Variants in PTGER3 observed in about 807,000 individuals in gnomAD.
The protein encoded by PTGER3 is prostaglandin E receptor 3, also known as prostaglandin E2 receptor EP3 subtype.
In PTGER3, 22 loss-of-function variants were observed where a neutral mutation model predicts 34.7. The observed-to-expected ratio is 0.63, with a 90% CI of 0.45 to 0.91. PTGER3 has a LOEUF of 0.91. Among genes scored for constraint, PTGER3 ranks in the 40% least tolerant of loss-of-function variants. The pLI, the probability that PTGER3 is intolerant of heterozygous loss-of-function variation, is 0.00. For synonymous variants in PTGER3, 241 were observed against 230.1 expected, an observed-to-expected ratio of 1.05 and a Z score of -0.43; for missense variants, 468 against 519.4, an observed-to-expected ratio of 0.90 and a Z score of 0.96.
In PTGER3 at chr1:70,941,878, C is replaced by G. The variant is rs528435921; in HGVS notation, c.*23+11885G>C. On this transcript the variant is annotated intron_variant, in intron 4 of 4. Transcript: ENST00000370931. ...CACAAATTCTTTCTTTATAATGCTA[C>G]TAGCATTACATTTTAAAATTAAAAT... 2.0e-5 allele frequency among the ~76,000 whole-genome samples: 3 copies of G among 152,258 alleles called. No individual in the cohort carries two copies. The East Asian group carries it at 5.8e-4, about 29-fold the overall frequency.
At chr1:70,882,946 C>T (rs1168948984) in intron 4 of PTGER3, among the ~76,000 whole-genome samples, 1 of 152,202 alleles carries the variant, frequency 6.6e-6, no homozygotes, top group Admixed American at 6.5e-5. Context: ...GAGAGCAGCA[C>T]ACGTGAGCTG....
At chr1:70,937,751 T>A (rs185786681) in intron 4 of PTGER3, among the ~76,000 whole-genome samples, 13 of 152,334 alleles carry the variant, frequency 8.5e-5, no homozygotes, top group Middle Eastern at 3.4e-3. Context: ...ACCATTTATT[T>A]AATGGTTAAT....
At chr1:70,910,217 T>C (rs1006162719) in intron 4 of PTGER3, among the ~76,000 whole-genome samples, 6 of 152,100 alleles carry the variant, frequency 3.9e-5, no homozygotes, top group African/African-American at 7.2e-5. Context: ...AACCCCACAC[T>C]CAAAATGATC....
In PTGER3 at chr1:71,046,930, GC is replaced by G. The variant is rs1557777146; in HGVS notation, c.647del (p.Gly216AlafsTer27). 6.2e-7 allele frequency: 1 copy of G among 1,607,106 alleles called. No homozygotes were observed. Among genetic ancestry groups the G allele is most frequent in the Non-Finnish European group, 8.5e-7 (1 of 1,177,148 alleles). On this transcript the variant is annotated frameshift_variant, in exon 1 of 4. Transcript: ENST00000306666. LOFTEE classifies it high-confidence loss of function. ...TWCFISTGRGGNGTSSSHNWG... is the reference protein window; with the variant it reads ...TWCFISTGRGXNGTSSSHNWG... ...AGTTATGCGAAGAGCTAGTCCCGTT[GC>G]CCCCTCGCCCGGTGCTGATGAAGCA...
intron 4 of PTGER3, among the ~76,000 whole-genome samples, chr1:70,899,269 C>T (rs1646785957): frequency 6.6e-6 from 1 of 152,076 alleles, no homozygotes; most frequent in African/African-American, 2.4e-5. Context: ...GAGACAATTA[C>T]ACATACAGTT....
At chr1:70,974,274 T>A in intron 3 of PTGER3, 23 bp downstream of exon 3, 1 of 1,612,368 alleles carries the variant, frequency 6.2e-7, no homozygotes, top group Non-Finnish European at 8.5e-7. Flanking sequence ...ATGCTATAAA[T>A]CCCGGCAGTT....
rs539920705 is a variant in PTGER3 at position 70,994,435 on chromosome 1, T to C, written c.1077+17870A>G. Among the ~76,000 whole-genome samples the C allele has an allele frequency of 4.0e-4, 61 of 151,138 alleles. No homozygotes were observed. In the South Asian group the frequency reaches 0.01, roughly 25 times the overall value. On this transcript the variant is annotated intron_variant, in intron 2 of 3. Coordinates refer to ENST00000306666, the MANE Select transcript of PTGER3 (RefSeq NM_198719.2). ...AAACATGTAGTGTATGCTGTATCTA[T>C]CAATGTGGTAAGTCTGTAAACCTTA...
At chr1:71,022,010 T>A (rs926349702) in intron 1 of PTGER3, among the ~76,000 whole-genome samples, 7 of 151,916 alleles carry the variant, frequency 4.6e-5, no homozygotes, top group Non-Finnish European at 5.9e-5. Flanking sequence ...ATCCAAATTT[T>A]AAAAAATAAC....
chr1:70,931,019 G>A (rs847705), intron 4 of PTGER3, among the ~76,000 whole-genome samples: 134,795 of 152,216 alleles, frequency 0.89, 59,690 homozygotes, highest in Middle Eastern at 0.95. Context: ...TAAAATCAAA[G>A]GCAAGCTAGT....
At chr1:70,970,649 T>C, downstream of PTGER3, 1 of 168,066 alleles carries the variant, frequency 6.0e-6, no homozygotes, top group Non-Finnish European at 1.2e-5. Flanking sequence ...AGTAAATATG[T>C]GGTGAATTAA....
At chr1:71,013,845 CAA>C (rs1239418770) in intron 1 of PTGER3, among the ~76,000 whole-genome samples, 1 of 151,850 alleles carries the variant, frequency 6.6e-6, no homozygotes, top group Non-Finnish European at 1.5e-5. Flanking sequence ...TTCATAATAG[CAA>C]AAAAAGCAGG....
chr1:70,968,365 G>A (rs1652755321), downstream of PTGER3, among the ~76,000 whole-genome samples: 2 of 152,144 alleles, frequency 1.3e-5, no homozygotes, highest in African/African-American at 2.4e-5. Context: ...AAATAAAACT[G>A]TAGATCAAAC....
chr1:70,906,753 A>C (rs887912884), intron 4 of PTGER3, among the ~76,000 whole-genome samples: 14 of 152,186 alleles, frequency 9.2e-5, no homozygotes, highest in Admixed American at 3.3e-4. Context: ...AAGCCATTGG[A>C]AAGACAAAAG....
At chr1:71,039,946 C>G (rs1660158660) in intron 1 of PTGER3, among the ~76,000 whole-genome samples, 3 of 151,932 alleles carry the variant, frequency 2.0e-5, no homozygotes, top group Admixed American at 1.3e-4. Flanking sequence ...TTTCATAGTA[C>G]TGTATACTAC....
intron 2 of PTGER3, among the ~76,000 whole-genome samples, chr1:70,990,644 C>T (rs1655387332): frequency 1.3e-5 from 2 of 151,882 alleles, no homozygotes; most frequent in South Asian, 4.1e-4. Flanking sequence ...CTACACCTGG[C>T]TAATTTTTAT....
chr1:71,009,943 T>G, intron 2 of PTGER3: 1 of 985,252 alleles, frequency 1.0e-6, no homozygotes, highest in Non-Finnish European at 1.2e-6. Flanking sequence ...GGGATTTTCA[T>G]TTCTTATCAG....
At position 70,971,749 on chromosome 1, in the gene PTGER3, G is replaced by T; in HGVS notation, c.1170-16C>A. 1.3e-6 allele frequency: 2 copies of T among 1,512,932 alleles called. No individual in the cohort carries two copies. The highest frequency in any genetic ancestry group is 1.8e-6 in the Non-Finnish European group (2 of 1,112,132). The allele number at this position is 1,512,932 out of a possible 1,614,324, so 93.7% of individuals were successfully genotyped here. A position where few individuals can be genotyped will look rare whatever the true frequency, so the allele number is the denominator to read the frequency against. On this transcript the variant is annotated splice_polypyrimidine_tract_variant and intron_variant, in intron 3 of 3. Coordinates refer to ENST00000306666, the MANE Select transcript of PTGER3 (RefSeq NM_198719.2). ...CTTTCATTATCTGTTAGAATAGAGAGAGAAAGATGCAATAAGCATGGATGG... is the reference window on the plus strand; with the variant it reads ...CTTTCATTATCTGTTAGAATAGAGATAGAAAGATGCAATAAGCATGGATGG...
At chr1:70,954,634 C>T (rs991917007) in intron 2 of PTGER3, among the ~76,000 whole-genome samples, 1 of 152,150 alleles carries the variant, frequency 6.6e-6, no homozygotes, top group East Asian at 1.9e-4. Context: ...TATTCCAAAA[C>T]CAGTACCTCT....
intron 1 of PTGER3, among the ~76,000 whole-genome samples, chr1:71,039,954 T>C (rs569004782): frequency 5.3e-5 from 8 of 152,184 alleles, no homozygotes; most frequent in Admixed American, 3.9e-4. Context: ...TACTGTATAC[T>C]ACCCCATTAT....
Sources: gnomAD v4.1 joint callset for allele counts (sites outside exome capture counted in the v4.1 genomes callset) on GRCh38, gnomAD v4.1.1 for gene constraint, MANE v1.5 for transcripts, NCBI Gene and HGNC (gene_info 2026-07-23, HGNC 2026-07-21) for gene names.